The following SUCO variants were observed in gnomAD, a reference collection of about 807,000 sequenced individuals.
The protein encoded by SUCO is SUN domain containing ossification factor, also known as SUN domain-containing ossification factor.
In SUCO, 57 loss-of-function variants were observed where a neutral mutation model predicts 148.1. That is an observed-to-expected ratio of 0.38 (90% CI 0.31 to 0.48). SUCO has a LOEUF of 0.48. SUCO is among the 20% of genes least tolerant of loss of function. The pLI is 0.96. For missense variants in SUCO, 1,331 were observed against 1,468.2 expected (o/e 0.91, Z 1.53); for synonymous variants, 470 against 502.7 (o/e 0.93, Z 0.87).
intron 17 of SUCO, 70 bp from the exon 18 acceptor site, chr1:172,588,690 T>G: frequency 1.5e-6 from 2 of 1,298,770 alleles, no homozygotes; most frequent in Non-Finnish European, 2.0e-6. Flanking sequence ...ATACATTTAT[T>G]TTTCTTTAAC....
intron 21 of SUCO, 121 bp from the exon 22 acceptor site, chr1:172,602,575 G>A: frequency 6.8e-7 from 1 of 1,474,540 alleles, no homozygotes; most frequent in Non-Finnish European, 8.9e-7. Context: ...TAACTGGAGT[G>A]TTAGAGTTAG....
intron 5 of SUCO, 23 bp from the exon 6 acceptor site, chr1:172,557,621 A>G (rs1653846191): frequency 1.3e-6 from 2 of 1,560,452 alleles, no homozygotes; most frequent in Non-Finnish European, 1.7e-6. Context: ...TGTTTATTTA[A>G]TATATCTTTT....
intron 3 of SUCO, among the ~76,000 whole-genome samples, chr1:172,555,029 T>G (rs371221515): frequency 3.9e-5 from 6 of 152,304 alleles, no homozygotes; most frequent in Admixed American, 3.3e-4. Context: ...TAGTCCTTAG[T>G]TTCTTTTTCC....
At chr1:172,608,508 G>T in intron 22 of SUCO, 1 of 508,426 alleles carries the variant, frequency 2.0e-6, no homozygotes, top group Non-Finnish European at 3.5e-6. Context: ...ACTTAAGGAA[G>T]TATAGTTATT....
At position 172,557,818 on chromosome 1, in the gene SUCO, TCTTA is replaced by T. The variant is rs760724946; in HGVS notation, c.732+28_732+31del. On this transcript the variant is annotated intron_variant, in intron 6 of 23. Transcript: ENST00000263688. ...AGGTAGGTATATAACTTGCACTATC[TCTTA>T]CTTCTTTATGTAATGCATTTTTGTT... The T allele has an allele frequency of 6.5e-6, 10 of 1,534,212 alleles. No homozygotes were observed. In the Admixed American group the frequency reaches 1.8e-4, roughly 27 times the overall value.
chr1:172,591,211 G>A (rs1656635134), intron 19 of SUCO, 140 bp downstream of exon 19: 1 of 553,896 alleles, frequency 1.8e-6, no homozygotes, highest in African/African-American at 2.0e-5. Flanking sequence ...TTAATGTGAT[G>A]TCATGTTTGG....
chr1:172,591,678 A>G (rs1656685444), intron 19 of SUCO, among the ~76,000 whole-genome samples: 1 of 151,676 alleles, frequency 6.6e-6, no homozygotes, highest in Non-Finnish European at 1.5e-5. Context: ...CCAGTCTATC[A>G]TTGTTGGACA....
At chr1:172,594,218 A>G (rs1656900954) in intron 19 of SUCO, among the ~76,000 whole-genome samples, 1 of 151,202 alleles carries the variant, frequency 6.6e-6, no homozygotes, top group Admixed American at 6.6e-5. Flanking sequence ...ATCTTTTCAA[A>G]AAACCAGCTC....
intron 6 of SUCO, among the ~76,000 whole-genome samples, chr1:172,565,190 A>T (rs1254516259): frequency 6.6e-6 from 1 of 152,192 alleles, no homozygotes; most frequent in Admixed American, 6.5e-5. Flanking sequence ...AGAGGCCCTG[A>T]CTTGCTGGAG....
At chr1:172,556,106 G>A in intron 4 of SUCO, 83 bp downstream of exon 4, 1 of 1,122,790 alleles carries the variant, frequency 8.9e-7, no homozygotes, top group Non-Finnish European at 1.3e-6. Flanking sequence ...AAAGCAGCTT[G>A]ATACTCAAGT....
rs146880136 is a variant in SUCO, at chr1:172,588,920, C to T, written c.1819C>T (p.Pro607Ser). 85 of 1,612,488 alleles carry T rather than the reference C, an allele frequency of 5.3e-5. No individual in the cohort carries two copies. Among genetic ancestry groups the T allele is most frequent in the Non-Finnish European group, 7.0e-5 (82 of 1,179,432 alleles). Reference protein sequence around the residue: ...GSGEQEDESSPWFESETQIFC... With the variant: ...GSGEQEDESSSWFESETQIFC... Reference sequence around the variant, plus strand: ...CGGTGAACAGGAAGATGAATCATCACCCTGGTTTGAGTCAGAGACACAAAT... The same window carrying T: ...CGGTGAACAGGAAGATGAATCATCATCCTGGTTTGAGTCAGAGACACAAAT... The change falls in exon 18 of 24, where the codon CCC (proline) becomes TCC (serine). Residue 607 changes from proline (P) to serine (S), a missense_variant. Physicochemically the swap from Pro to Ser is moderately conservative, Grantham distance 74. Coordinates refer to ENST00000263688, the MANE Select transcript of SUCO (RefSeq NM_014283.5).
At chr1:172,597,853 G>T (rs1657238718) in intron 19 of SUCO, among the ~76,000 whole-genome samples, 1 of 152,078 alleles carries the variant, frequency 6.6e-6, no homozygotes, top group Admixed American at 6.5e-5. Flanking sequence ...CCTATTCATG[G>T]CACGTTATAA....
intron 19 of SUCO, among the ~76,000 whole-genome samples, chr1:172,591,849 C>T (rs565348550): frequency 1.5e-4 from 23 of 152,260 alleles, no homozygotes; most frequent in African/African-American, 3.1e-4. Context: ...TCTGAGGAAT[C>T]GCCACACTGT....
intron 16 of SUCO, 111 bp downstream of exon 16, chr1:172,585,197 T>C (rs1656154538): frequency 4.3e-6 from 4 of 921,786 alleles, no homozygotes; most frequent in East Asian, 5.8e-5. Context: ...TTTAGAAATA[T>C]AGAAATAATT....
At chr1:172,547,651 C>G (rs1484757084) in intron 1 of SUCO, among the ~76,000 whole-genome samples, 1 of 152,160 alleles carries the variant, frequency 6.6e-6, no homozygotes, top group Non-Finnish European at 1.5e-5. Flanking sequence ...AGCTCCAGAA[C>G]TGTTCCAAGT....
chr1:172,598,937 C>T (rs972088906), intron 19 of SUCO, among the ~76,000 whole-genome samples: 2 of 151,932 alleles, frequency 1.3e-5, no homozygotes, highest in African/African-American at 4.8e-5. Context: ...GTTTTATACA[C>T]CCCCCCTCTC....
In SUCO at chr1:172,576,914, ATAAC is replaced by A. The variant is rs1356816480; in HGVS notation, c.1264-622_1264-619del. 5.2e-6 allele frequency: 4 copies of A among 764,376 alleles called. No individual in the cohort carries two copies. In the East Asian group the frequency reaches 5.1e-4, roughly 97 times the overall value. The allele number at this position is 764,376 out of a possible 1,614,324, so 47.3% of individuals were successfully genotyped here. ...TTACCTGGATGTTCCTTATCTTAAA[ATAAC>A]TACACCCAAATCTACTACTTTTTAA... is the stretch of plus-strand genomic sequence containing the variant. On this transcript the variant is annotated intron_variant, in intron 11 of 23. Coordinates refer to ENST00000263688, the MANE Select transcript of SUCO (RefSeq NM_014283.5).
intron 10 of SUCO, among the ~76,000 whole-genome samples, 156 bp downstream of exon 10, chr1:172,574,154 C>T (rs959647013): frequency 6.6e-6 from 1 of 152,052 alleles, no homozygotes; most frequent in Non-Finnish European, 1.5e-5. Context: ...ATTGTAGGCT[C>T]TTGTTAATCA....
intron 1 of SUCO, chr1:172,542,583 GA>G (rs1652556804): frequency 4.7e-6 from 1 of 212,036 alleles, no homozygotes; most frequent in African/African-American, 2.4e-5. Flanking sequence ...ATAGGAGCAT[GA>G]ACCCTACTAT....
Sources: allele counts gnomAD v4.1 joint callset (sites outside exome capture counted in the v4.1 genomes callset), GRCh38; gene constraint gnomAD v4.1.1; transcripts MANE v1.5; gene names NCBI Gene and HGNC (gene_info 2026-07-23, HGNC 2026-07-21).